The following CPEB3 variants were observed in gnomAD, a reference collection of about 807,000 sequenced individuals.
CPEB3 encodes cytoplasmic polyadenylation element-binding protein 3.
CPEB3 carries 20 observed loss-of-function variants against 67.2 expected under a neutral mutation model. That is an observed-to-expected ratio of 0.30 (90% CI 0.21 to 0.43). The LOEUF is 0.43. CPEB3 is among the 20% of genes least tolerant of loss of function. The pLI is 1.00. For missense variants in CPEB3, 746 were observed against 968.6 expected (o/e 0.77, Z 3.05); for synonymous variants, 376 against 393.1 (o/e 0.96, Z 0.51).
chr10:92,175,308 G>T (rs953834514), intron 4 of CPEB3, among the ~76,000 whole-genome samples: 2 of 151,594 alleles, frequency 1.3e-5, no homozygotes, highest in Admixed American at 1.3e-4. Context: ...GTTGCTGCAT[G>T]TATTAATAGT....
chr10:92,271,806 T>G (rs1426137639), intron 1 of CPEB3, among the ~76,000 whole-genome samples: 4 of 152,182 alleles, frequency 2.6e-5, no homozygotes, highest in East Asian at 1.9e-4. Flanking sequence ...AATATCCTCT[T>G]AACATTCACC....
intron 4 of CPEB3, among the ~76,000 whole-genome samples, chr10:92,172,669 AC>A (rs936033142): frequency 3.0e-4 from 45 of 152,172 alleles, no homozygotes; most frequent in African/African-American, 1.0e-3. Context: ...CTGCATATGT[AC>A]CCCCTGAACC....
At chr10:92,118,899 CCTCT>C in intron 6 of CPEB3, 2 of 918,914 alleles carry the variant, frequency 2.2e-6, no homozygotes. Flanking sequence ...AGGGCAGGGG[CCTCT>C]CTTTTTGGCA....
At chr10:92,086,462 C>T (rs572875099) in intron 8 of CPEB3, among the ~76,000 whole-genome samples, 1 of 152,210 alleles carries the variant, frequency 6.6e-6, no homozygotes, top group Non-Finnish European at 1.5e-5. Context: ...TAGACTGTTA[C>T]TACTGTTACT....
chr10:92,197,918 C>T (rs1307863519), intron 2 of CPEB3, among the ~76,000 whole-genome samples: 1 of 152,070 alleles, frequency 6.6e-6, no homozygotes, highest in Non-Finnish European at 1.5e-5. Flanking sequence ...ACCAGCCTGG[C>T]CAACATAGTG....
intron 2 of CPEB3, among the ~76,000 whole-genome samples, chr10:92,218,900 G>A (rs1193703058): frequency 6.6e-6 from 1 of 151,608 alleles, no homozygotes; most frequent in Non-Finnish European, 1.5e-5. Flanking sequence ...CTGCAGCCTC[G>A]ACTTCCTAAG....
Position 92,050,420 on chromosome 10 carries a change from A to G in CPEB3, c.*1792T>C, listed in dbSNP as rs1177342398. On this transcript the variant is annotated 3_prime_UTR_variant, in exon 10 of 10. Coordinates refer to ENST00000265997, the MANE Select transcript of CPEB3 (RefSeq NM_014912.5). ...CAGCACAGAAAACACAGCGACTTAA[A>G]TCTATTCTGCAGTGTCATATCCAGT... 3 of 152,668 alleles carry G rather than the reference A, an allele frequency of 2.0e-5. No homozygotes were observed. Among genetic ancestry groups the G allele is most frequent in the Non-Finnish European group, 4.4e-5 (3 of 68,062 alleles). The allele number at this position is 152,668 out of a possible 1,614,324, so 9.5% of individuals were successfully genotyped here.
At chr10:92,277,958 G>A (rs910854580) in intron 1 of CPEB3, among the ~76,000 whole-genome samples, 3 of 151,724 alleles carry the variant, frequency 2.0e-5, no homozygotes, top group Non-Finnish European at 2.9e-5. Context: ...GCCAAGGTGG[G>A]TGGATCATGA....
chr10:92,061,712 G>C (rs1842361451), intron 9 of CPEB3, among the ~76,000 whole-genome samples: 1 of 152,178 alleles, frequency 6.6e-6, no homozygotes, highest in African/African-American at 2.4e-5. Context: ...GCAGGAGATG[G>C]AGATGGATAA....
intron 1 of CPEB3, among the ~76,000 whole-genome samples, chr10:92,290,217 A>C (rs1256329991): frequency 1.3e-5 from 2 of 152,158 alleles, no homozygotes; most frequent in Non-Finnish European, 2.9e-5. Flanking sequence ...GCCCTAGAGA[A>C]AACGCCACAG....
chr10:92,277,059 C>T (rs1202478826), intron 1 of CPEB3, among the ~76,000 whole-genome samples: 1 of 152,058 alleles, frequency 6.6e-6, no homozygotes, highest in African/African-American at 2.4e-5. Flanking sequence ...TATATATTCC[C>T]GTTCAGATAT....
At chr10:92,134,625 G>A (rs954311012) in intron 6 of CPEB3, among the ~76,000 whole-genome samples, 3 of 151,870 alleles carry the variant, frequency 2.0e-5, no homozygotes, top group African/African-American at 7.2e-5. Context: ...TCCCCATCAA[G>A]CTACCAATGA....
rs144642324 is a variant in CPEB3 at position 92,195,974 on chromosome 10, T to C, written c.1006-3338A>G. On this transcript the variant is annotated intron_variant, in intron 2 of 9. Transcript: ENST00000265997. ...AGTCAGTTCCTATCACAAATGGATA[T>C]CTGACATTAGATGACTACCTGTCAG... is the stretch of plus-strand genomic sequence containing the variant. Among the ~76,000 whole-genome samples the C allele has an allele frequency of 8.5e-5, 13 of 152,324 alleles. No individual in the cohort carries two copies. The East Asian group carries it at 2.3e-3, about 27-fold the overall frequency.
In CPEB3 at chr10:92,240,055, G is replaced by A; in HGVS notation, c.296C>T (p.Pro99Leu). ...QPPPPQEPAA[P>L]GASLSPSFGS... ...GAAGGACGGCGACAGCGACGCGCCCGGTGCCGCGGGCTCCTGAGGCGGCGG... is the reference window on the plus strand; with the variant it reads ...GAAGGACGGCGACAGCGACGCGCCCAGTGCCGCGGGCTCCTGAGGCGGCGG... Residue 99 changes from proline to leucine, a missense_variant, in exon 2 of 10, where the codon CCG becomes CTG. This residue lies in a region of CPEB3 where 643 missense variants were observed against 717.5 expected (regional missense o/e 0.90). Transcript: ENST00000265997. 1 of 1,594,718 alleles carries A rather than the reference G, an allele frequency of 6.3e-7. No individual in the cohort carries two copies. Among genetic ancestry groups the A allele is most frequent in the South Asian group, 1.1e-5 (1 of 88,800 alleles).
chr10:92,047,584 T>A lies in CPEB3; in HGVS notation c.*4628A>T, dbSNP rs926956850. 6.6e-6 allele frequency: 1 copy of A among 152,240 alleles called. No individual in the cohort carries two copies. The highest frequency in any genetic ancestry group is 1.5e-5 in the Non-Finnish European group (1 of 68,028). The allele number at this position is 152,240 out of a possible 1,614,324, so 9.4% of individuals were successfully genotyped here. On this transcript the variant is annotated 3_prime_UTR_variant, in exon 10 of 10. Transcript: ENST00000265997. ...ATAAAACACAAGATATAGGCAGAAA[T>A]CTAAGCATAATCTTTATACCACTAA...
intron 2 of CPEB3, among the ~76,000 whole-genome samples, chr10:92,214,872 A>G (rs974365459): frequency 4.6e-5 from 7 of 151,744 alleles, no homozygotes; most frequent in African/African-American, 1.7e-4. Flanking sequence ...TTTTTGAGAC[A>G]GAGTCTCACT....
Position 92,239,999 on chromosome 10 carries a change from C to A in CPEB3, c.352G>T (p.Ala118Ser). 1 of 1,611,162 alleles carries A rather than the reference C, an allele frequency of 6.2e-7. No individual in the cohort carries two copies. Among genetic ancestry groups the A allele is most frequent in the Non-Finnish European group, 8.5e-7 (1 of 1,178,774 alleles). Residue 118 changes from alanine (A) to serine (S), a missense_variant, in exon 2 of 10, where the codon GCG becomes TCG. Ala to Ser is a moderately conservative substitution (Grantham distance 99). This residue lies in a region of CPEB3 where 643 missense variants were observed against 717.5 expected (regional missense o/e 0.90). Transcript: ENST00000265997. The surrounding 1 kb of genome is among the most constrained non-coding windows in gnomAD (Gnocchi z 6.0). ...CCCTGGAAGAAGCTGTCCTCTACCG[C>A]GTTGGTGGTGCCCGTGGACCAGGTG... ...GSTWSTGTTN[A>S]VEDSFFQGIT... is the part of the protein sequence containing the mutation.
rs183365856 is a variant in CPEB3, at chr10:92,061,546, T to G, written c.1870-9107A>C. On this transcript the variant is annotated intron_variant, in intron 9 of 9. Transcript: ENST00000265997. ...CCATTTGCAACAACATGGATAGAAC[T>G]GGAGATCACTATGTTAAGTGAAATA... 2.0e-5 allele frequency among the ~76,000 whole-genome samples: 3 copies of G among 151,746 alleles called. No individual in the cohort carries two copies. In the East Asian group the frequency reaches 5.8e-4, roughly 29 times the overall value.
intron 1 of CPEB3, among the ~76,000 whole-genome samples, chr10:92,263,447 CAT>C (rs1852900189): frequency 1.3e-5 from 2 of 152,280 alleles, no homozygotes; most frequent in East Asian, 1.9e-4. Flanking sequence ...CTAATACTGA[CAT>C]GTGGATGAGA....
Sources: allele counts gnomAD v4.1 joint callset (sites outside exome capture counted in the v4.1 genomes callset), GRCh38; gene constraint gnomAD v4.1.1; regional missense constraint gnomAD v4.1.1; non-coding constraint Gnocchi (gnomAD v3.1); transcripts MANE v1.5; gene names NCBI Gene and HGNC (gene_info 2026-07-23, HGNC 2026-07-21).